The following CLASP2 variants were observed in gnomAD, a reference collection of about 807,000 sequenced individuals.
CLASP2 encodes the protein CLIP-associating protein 2.
Under a neutral mutation model 194.4 loss-of-function variants are expected in CLASP2, and 47 were observed. The ratio of observed to expected loss-of-function variants is 0.24; its 90% CI spans 0.19 to 0.31. CLASP2 has a LOEUF of 0.31. Among genes scored for constraint, CLASP2 ranks in the 10% least tolerant of loss-of-function variants. The pLI is 1.00. For missense variants in CLASP2, 1,445 were observed against 1,823.6 expected (o/e 0.79, Z 3.78); for synonymous variants, 619 against 633.5 (o/e 0.98, Z 0.34).
At chr3:33,570,284 A>T (rs748226352) in intron 26 of CLASP2, among the ~76,000 whole-genome samples, 16 of 152,242 alleles carry the variant, frequency 1.1e-4, no homozygotes, top group Non-Finnish European at 1.8e-4. Context: ...GGCTGGAACC[A>T]CATTTTGTGC....
At chr3:33,642,200 T>C (rs2081429659) in intron 8 of CLASP2, among the ~76,000 whole-genome samples, 1 of 151,948 alleles carries the variant, frequency 6.6e-6, no homozygotes, top group Admixed American at 6.6e-5. Flanking sequence ...CAGCGAACTT[T>C]AGAAATTTAT....
At chr3:33,703,679 T>G (rs1299514178) in intron 1 of CLASP2, among the ~76,000 whole-genome samples, 1 of 152,184 alleles carries the variant, frequency 6.6e-6, no homozygotes, top group African/African-American at 2.4e-5. Flanking sequence ...AGAGGCAGGG[T>G]TTCACCACGT....
intron 11 of CLASP2, among the ~76,000 whole-genome samples, chr3:33,621,171 T>C (rs1244993224): frequency 2.6e-5 from 4 of 152,062 alleles, no homozygotes; most frequent in Admixed American, 1.3e-4. Context: ...TCCTTCCCCA[T>C]AGTGCCTCCA....
chr3:33,577,158 T>G, intron 23 of CLASP2: 223 of 1,317,050 alleles, frequency 1.7e-4, no homozygotes, highest in Non-Finnish European at 2.2e-4. Flanking sequence ...GGATAAAATC[T>G]GAGATGAATG....
intron 24 of CLASP2, chr3:33,574,603 CG>C (rs1451355651): frequency 6.4e-6 from 4 of 624,006 alleles, no homozygotes; most frequent in East Asian, 3.0e-5. Context: ...AGAAACATTA[CG>C]TTTTTTTCAC....
chr3:33,512,865 C>T (rs906589112), intron 36 of CLASP2, among the ~76,000 whole-genome samples: 1 of 151,986 alleles, frequency 6.6e-6, no homozygotes, highest in African/African-American at 2.4e-5. Context: ...TGGCATGCAC[C>T]TGTAGTCCCA....
At chr3:33,603,562 C>T (rs2072885262) in intron 17 of CLASP2, among the ~76,000 whole-genome samples, 1 of 152,160 alleles carries the variant, frequency 6.6e-6, no homozygotes. Context: ...TCTGCCACTC[C>T]ATGGGAATGC....
At chr3:33,566,520 G>A (rs1384536128) in intron 27 of CLASP2, among the ~76,000 whole-genome samples, 1 of 152,126 alleles carries the variant, frequency 6.6e-6, no homozygotes, top group Non-Finnish European at 1.5e-5. Context: ...TCATCAAATA[G>A]AACAGAAGAA....
chr3:33,708,299 A>T lies in CLASP2; in HGVS notation c.195+9509T>A, dbSNP rs547930367. ...ATAAATTTGACTTTTTTTTTTTTTT[A>T]AATATTTGACATAAAAGTAAGATCA... On this transcript the variant is annotated intron_variant, in intron 1 of 38. Coordinates refer to ENST00000682230, the MANE Select transcript of CLASP2 (RefSeq NM_001365631.1). Among the ~76,000 whole-genome samples, 367 of 145,180 alleles carry T rather than the reference A, an allele frequency of 2.5e-3. 5 individuals are homozygous for T. Among genetic ancestry groups the T allele is most frequent in the African/African-American group, 8.4e-3 (325 of 38,860 alleles).
chr3:33,692,319 C>T (rs2091442175), intron 2 of CLASP2, among the ~76,000 whole-genome samples: 1 of 152,164 alleles, frequency 6.6e-6, no homozygotes, highest in Non-Finnish European at 1.5e-5. Context: ...AGAAAAGACA[C>T]TTCATTCCTG....
chr3:33,667,956 A>C (rs1057275751), intron 6 of CLASP2, among the ~76,000 whole-genome samples: 2 of 152,232 alleles, frequency 1.3e-5, no homozygotes, highest in African/African-American at 4.8e-5. Flanking sequence ...GCAGTGGCCC[A>C]CACCTGTAAT....
intron 33 of CLASP2, among the ~76,000 whole-genome samples, chr3:33,537,123 C>T (rs374154875): frequency 5.3e-5 from 8 of 152,086 alleles, no homozygotes; most frequent in African/African-American, 1.7e-4. Flanking sequence ...TGCCAGGAAC[C>T]GGGATTTGAA....
intron 1 of CLASP2, among the ~76,000 whole-genome samples, chr3:33,715,840 T>G (rs917372562): frequency 1.6e-5 from 2 of 122,092 alleles, no homozygotes; most frequent in Non-Finnish European, 3.2e-5. Flanking sequence ...TTTTATTGTA[T>G]CTTAAGTAAA....
intron 25 of CLASP2, among the ~76,000 whole-genome samples, chr3:33,571,610 G>A (rs1231495141): frequency 6.6e-6 from 1 of 151,566 alleles, no homozygotes; most frequent in South Asian, 2.1e-4. Context: ...ATGCCAGCCT[G>A]GGCGACAGGG....
intron 34 of CLASP2, among the ~76,000 whole-genome samples, chr3:33,534,238 T>G (rs1389290198): frequency 6.6e-6 from 1 of 152,110 alleles, no homozygotes; most frequent in Non-Finnish European, 1.5e-5. Flanking sequence ...ATGAATTAAG[T>G]AATTAAGAAA....
At chr3:33,580,546 G>C (rs146867176) in intron 23 of CLASP2, among the ~76,000 whole-genome samples, 12 of 152,120 alleles carry the variant, frequency 7.9e-5, no homozygotes, top group African/African-American at 2.7e-4. Context: ...CTGGGCAACA[G>C]AGTGAGACTC....
chr3:33,677,997 T>A (rs1052398127), intron 6 of CLASP2, among the ~76,000 whole-genome samples: 1 of 149,582 alleles, frequency 6.7e-6, no homozygotes. Flanking sequence ...TTGGGCTTAT[T>A]ACTAGACTGC....
intron 1 of CLASP2, among the ~76,000 whole-genome samples, chr3:33,709,084 C>T (rs753220711): frequency 4.6e-5 from 7 of 152,142 alleles, no homozygotes; most frequent in Non-Finnish European, 7.4e-5. Context: ...GCTTCCTTTG[C>T]TGTCCAGAAA....
chr3:33,544,418 G>T (rs986620005), intron 31 of CLASP2, among the ~76,000 whole-genome samples: 1 of 152,136 alleles, frequency 6.6e-6, no homozygotes, highest in African/African-American at 2.4e-5. Flanking sequence ...TCCAGCTGGT[G>T]CTCTCATCTA....
Sources: gnomAD v4.1 joint callset for allele counts (sites outside exome capture counted in the v4.1 genomes callset) on GRCh38, gnomAD v4.1.1 for gene constraint, MANE v1.5 for transcripts, NCBI Gene and HGNC (gene_info 2026-07-23, HGNC 2026-07-21) for gene names.